Variants in PCNX1 observed in about 807,000 individuals in gnomAD.
PCNX1 encodes the protein pecanex 1.
PCNX1 carries 78 observed loss-of-function variants against 242.2 expected under a neutral mutation model. The observed-to-expected ratio is 0.32, with a 90% CI of 0.27 to 0.39. The LOEUF is 0.39. PCNX1 is among the 10% of genes least tolerant of loss of function. PCNX1 has a pLI of 1.00. For synonymous variants in PCNX1, 1,024 were observed against 1,032.9 expected (o/e 0.99, Z 0.17); for missense variants, 2,581 against 2,856.5 (o/e 0.90, Z 2.20).
intron 6 of PCNX1, among the ~76,000 whole-genome samples, chr14:70,983,081 T>C (rs2058888409): frequency 6.6e-6 from 1 of 152,222 alleles, no homozygotes; most frequent in African/African-American, 2.4e-5. Flanking sequence ...TTCGAATACA[T>C]GTGTTCATCA....
intron 33 of PCNX1, among the ~76,000 whole-genome samples, chr14:71,107,032 C>T (rs2062643029): frequency 6.6e-6 from 1 of 151,970 alleles, no homozygotes; most frequent in East Asian, 1.9e-4. Context: ...GTCCCTAGGC[C>T]CTCAAAGTAT....
At chr14:71,073,258 A>C (rs552701840) in intron 26 of PCNX1, among the ~76,000 whole-genome samples, 5 of 152,240 alleles carry the variant, frequency 3.3e-5, no homozygotes, top group African/African-American at 9.6e-5. Flanking sequence ...AGATCACGCC[A>C]CTGCACTCCA....
At chr14:70,949,160 A>G (rs1263340403) in intron 2 of PCNX1, among the ~76,000 whole-genome samples, 1 of 143,456 alleles carries the variant, frequency 7.0e-6, no homozygotes. Flanking sequence ...GTGTATATAT[A>G]CTTATAAATG....
chr14:70,954,311 T>G (rs2057907135), intron 2 of PCNX1, among the ~76,000 whole-genome samples: 2 of 152,184 alleles, frequency 1.3e-5, no homozygotes, highest in Admixed American at 6.5e-5. Flanking sequence ...CTTATCAGCT[T>G]TAAAACATGA....
chr14:70,972,267 G>T (rs1306034785), intron 5 of PCNX1, among the ~76,000 whole-genome samples: 1 of 151,732 alleles, frequency 6.6e-6, no homozygotes, highest in African/African-American at 2.4e-5. Flanking sequence ...GGAGAGCAAG[G>T]GGGGTAAGTT....
At chr14:71,096,342 A>C (rs564964847) in intron 30 of PCNX1, among the ~76,000 whole-genome samples, 4 of 151,962 alleles carry the variant, frequency 2.6e-5, no homozygotes, top group Non-Finnish European at 5.9e-5. Context: ...TGAGCTGGGC[A>C]TGGGGGCGTG....
At chr14:70,986,040 A>G (rs1006708641) in intron 6 of PCNX1, among the ~76,000 whole-genome samples, 11 of 152,240 alleles carry the variant, frequency 7.2e-5, no homozygotes, top group African/African-American at 2.4e-4. Context: ...CTTACAGCAA[A>G]TTATTTTAAG....
chr14:71,047,309 T>C (rs1361703057), intron 21 of PCNX1, among the ~76,000 whole-genome samples: 1 of 152,152 alleles, frequency 6.6e-6, no homozygotes, highest in African/African-American at 2.4e-5. Flanking sequence ...AGACATCTCA[T>C]TGTCAATTGA....
At chr14:71,080,374 A>G (rs2141527532) in intron 28 of PCNX1, among the ~76,000 whole-genome samples, 1 of 152,282 alleles carries the variant, frequency 6.6e-6, no homozygotes, top group African/African-American at 2.4e-5. Flanking sequence ...TTGATTCTAT[A>G]GGAAATTTAA....
At chr14:71,069,033 G>A (rs1431128645) in intron 26 of PCNX1, among the ~76,000 whole-genome samples, 4 of 152,066 alleles carry the variant, frequency 2.6e-5, no homozygotes, top group Non-Finnish European at 5.9e-5. Flanking sequence ...CATGTGGCTG[G>A]GGAGGCCTCC....
rs886768582 is a variant in PCNX1, at chr14:71,111,335, T to C, written c.*1400T>C. Reference sequence around the variant, plus strand: ...TTTTGGTGTGAAACTCCAAAGAAAATTGTACATCTCCTCTGAGCATTTAGG... The same window carrying C: ...TTTTGGTGTGAAACTCCAAAGAAAACTGTACATCTCCTCTGAGCATTTAGG... On this transcript the variant is annotated 3_prime_UTR_variant, in exon 36 of 36. Transcript: ENST00000304743. 6.6e-6 allele frequency: 1 copy of C among 152,640 alleles called. No homozygotes were observed. The highest frequency in any genetic ancestry group is 1.5e-5 in the Non-Finnish European group (1 of 68,014). The allele number at this position is 152,640 out of a possible 1,614,324, so 9.5% of individuals were successfully genotyped here.
chr14:71,055,741 TA>T (rs1267842005), intron 25 of PCNX1, among the ~76,000 whole-genome samples, 179 bp downstream of exon 25: 26 of 152,366 alleles, frequency 1.7e-4, no homozygotes, highest in African/African-American at 6.0e-4. Flanking sequence ...ATCTACAGTT[TA>T]TATGCCCATC....
chr14:70,950,524 G>T (rs1001007554), intron 2 of PCNX1, among the ~76,000 whole-genome samples: 1 of 152,022 alleles, frequency 6.6e-6, no homozygotes, highest in Admixed American at 6.6e-5. Context: ...GAAATGCTAT[G>T]CACATTTATA....
At chr14:71,039,365 T>C (rs1218238449) in intron 19 of PCNX1, among the ~76,000 whole-genome samples, 4 of 152,186 alleles carry the variant, frequency 2.6e-5, no homozygotes, top group Admixed American at 2.6e-4. Context: ...GGTTCACTGT[T>C]TACATGCCTC....
At position 70,976,092 on chromosome 14, in the gene PCNX1, C is replaced by T. The variant is rs1223151741; in HGVS notation, c.605-850C>T. 2.0e-5 allele frequency among the ~76,000 whole-genome samples: 3 copies of T among 152,114 alleles called. No homozygotes were observed. In the South Asian group the frequency reaches 6.2e-4, roughly 32 times the overall value. On this transcript the variant is annotated intron_variant, in intron 5 of 35. Transcript: ENST00000304743. ...AGGTTTTCTTGATTTGTGAAATAAT[C>T]GTATTAGCTTTTTGAAAGGATTTTA...
intron 28 of PCNX1, among the ~76,000 whole-genome samples, chr14:71,086,393 T>A (rs1192302875): frequency 2.6e-5 from 4 of 152,246 alleles, no homozygotes; most frequent in Non-Finnish European, 4.4e-5. Flanking sequence ...GATGCCAGTC[T>A]TTATGAATTT....
intron 7 of PCNX1, among the ~76,000 whole-genome samples, chr14:70,992,616 T>A (rs1025259743): frequency 1.3e-5 from 2 of 152,224 alleles, no homozygotes; most frequent in African/African-American, 4.8e-5. Context: ...GAAGACCAAC[T>A]ATTTTTCAGT....
chr14:70,952,687 A>G (rs1484605613), intron 2 of PCNX1, among the ~76,000 whole-genome samples: 3 of 152,164 alleles, frequency 2.0e-5, no homozygotes. Flanking sequence ...CTGTAAGAAT[A>G]GACCATAGTC....
At chr14:71,037,771 T>C (rs538638250) in intron 19 of PCNX1, among the ~76,000 whole-genome samples, 5,096 of 150,816 alleles carry the variant, frequency 0.034, 270 homozygotes, top group African/African-American at 0.12. Flanking sequence ...GCCAAGTGAA[T>C]CCTAAGCCAA....
Sources: gnomAD v4.1 joint callset for allele counts (sites outside exome capture counted in the v4.1 genomes callset) on GRCh38, gnomAD v4.1.1 for gene constraint, MANE v1.5 for transcripts, NCBI Gene and HGNC (gene_info 2026-07-23, HGNC 2026-07-21) for gene names.